KDR: variants seen among roughly 807,000 people sequenced by gnomAD.
The protein encoded by KDR is vascular endothelial growth factor receptor 2.
In KDR, 43 loss-of-function variants were observed where a neutral mutation model predicts 160.9. The ratio of observed to expected loss-of-function variants is 0.27; its 90% CI spans 0.21 to 0.34. The LOEUF (loss-of-function observed/expected upper bound fraction) is 0.34, where lower values mean the gene tolerates loss of function less well. Among genes scored for constraint, KDR ranks in the 10% least tolerant of loss-of-function variants. The probability of loss-of-function intolerance (pLI) is 1.00; values close to 1 mark genes in which losing one functional copy is unlikely to be tolerated. For synonymous variants in KDR, 617 were observed against 600.1 expected (o/e 1.03, Z -0.41); for missense variants, 1,469 against 1,666.4 (o/e 0.88, Z 2.06).
chr4:55,080,359 T>C (rs929688925), intron 29 of KDR, among the ~76,000 whole-genome samples, 196 bp from the exon 30 acceptor site: 2 of 152,168 alleles, frequency 1.3e-5, no homozygotes, highest in Non-Finnish European at 2.9e-5. Context: ...GAATTAGTAG[T>C]TGCAGATAAG....
intron 3 of KDR, among the ~76,000 whole-genome samples, chr4:55,118,063 T>C (rs1223145830): frequency 6.6e-6 from 1 of 152,138 alleles, no homozygotes; most frequent in East Asian, 1.9e-4. Flanking sequence ...AGAAACATTG[T>C]CCTGAAAAGA....
chr4:55,114,335 T>G, intron 5 of KDR, 70 bp from the exon 6 acceptor site: 2 of 1,524,986 alleles, frequency 1.3e-6, no homozygotes, highest in Non-Finnish European at 1.8e-6. Context: ...ACAGATTTAT[T>G]TTTTAAAGTA....
intron 22 of KDR, among the ~76,000 whole-genome samples, chr4:55,091,291 C>T (rs1426848909): frequency 6.6e-6 from 1 of 152,204 alleles, no homozygotes; most frequent in African/African-American, 2.4e-5. Context: ...AATTGAGCAA[C>T]ACTGGCAATT....
rs979290062 is a variant in KDR, at chr4:55,096,220, G to A, written c.2728+9C>T. 3 of 1,566,604 alleles carry A rather than the reference G, an allele frequency of 1.9e-6. No homozygotes were observed. In the African/African-American group the frequency reaches 4.1e-5, roughly 21 times the overall value. ...AATTGGGTGACCAAAACCACCCACA[G>A]TTACTCACCTCCTGGCTTGGTACAG... On this transcript the variant is annotated intron_variant, in intron 19 of 29. Coordinates refer to ENST00000263923, the MANE Select transcript of KDR (RefSeq NM_002253.4).
At chr4:55,080,234 A>C in intron 29 of KDR, 71 bp from the exon 30 acceptor site, 1 of 1,354,240 alleles carries the variant, frequency 7.4e-7, no homozygotes, top group African/African-American at 1.4e-5. Context: ...CCCTCACCCC[A>C]TTCCCAACTC....
At position 55,104,729 on chromosome 4, in the gene KDR, A is replaced by C. The variant is rs1645942606; in HGVS notation, c.1901T>G (p.Leu634Trp). The C allele has an allele frequency of 5.0e-6, 8 of 1,613,876 alleles. No individual in the cohort carries two copies. The highest frequency in any genetic ancestry group is 6.8e-6 in the Non-Finnish European group (8 of 1,179,868). Residue 634 changes from leucine to tryptophan, a missense_variant, in exon 13 of 30, where the codon TTG becomes TGG. This residue lies in a region of KDR where 792 missense variants were observed against 840.9 expected (regional missense o/e 0.94). Transcript: ENST00000263923. ...GCAGACATAGTCTCCTTGGTCCTGC[A>C]AGGATGCATTCTTAAGCTCCATGAT... The part of the protein sequence containing the change: ...ILIMELKNAS[L>W]QDQGDYVCLA...
At chr4:55,083,660 G>A (rs889779263) in intron 27 of KDR, among the ~76,000 whole-genome samples, 1 of 152,058 alleles carries the variant, frequency 6.6e-6, no homozygotes, top group Non-Finnish European at 1.5e-5. Flanking sequence ...AGGGCCCACC[G>A]AGACAGAAAA....
chr4:55,109,396 T>C (rs1281291777), intron 9 of KDR, among the ~76,000 whole-genome samples: 1 of 152,040 alleles, frequency 6.6e-6, no homozygotes, highest in African/African-American at 2.4e-5. Context: ...CTTTAAAATA[T>C]TCCCTGAAAA....
intron 7 of KDR, 74 bp from the exon 8 acceptor site, chr4:55,110,842 G>T (rs1232244418): frequency 2.4e-6 from 3 of 1,267,600 alleles, no homozygotes; most frequent in East Asian, 4.7e-5. Flanking sequence ...CATTTCAAGT[G>T]AAACGTCAAA....
chr4:55,120,453 T>G (rs1351779842), intron 2 of KDR, among the ~76,000 whole-genome samples: 6 of 152,164 alleles, frequency 3.9e-5, no homozygotes, highest in Non-Finnish European at 8.8e-5. Flanking sequence ...GACAAAGAAG[T>G]CTACTTCTCC....
At chr4:55,116,868 A>T (rs375749946) in intron 3 of KDR, among the ~76,000 whole-genome samples, 3 of 152,176 alleles carry the variant, frequency 2.0e-5, no homozygotes, top group South Asian at 4.1e-4. Context: ...ACACCTATCC[A>T]TAGAGAATAC....
chr4:55,085,392 T>C (rs973170080), intron 27 of KDR, among the ~76,000 whole-genome samples: 3 of 152,198 alleles, frequency 2.0e-5, no homozygotes, highest in Non-Finnish European at 4.4e-5. Context: ...TCTGTCCAAC[T>C]CTATTTATAA....
Position 55,105,842 on chromosome 4 carries a change from G to A in KDR, c.1635C>T (p.Phe545=). ...KVGRGERVIS[F]HVTRGPEITL... ...GAGAAGAGTACTTACTGGTCACGTG[G>A]AAGGAGATCACCCTCTCTCCTCTCC... The change falls in exon 12 of 30, where the codon TTC becomes TTT. Residue 545 remains phenylalanine, a synonymous_variant. Coordinates refer to ENST00000263923, the MANE Select transcript of KDR (RefSeq NM_002253.4). 1.9e-6 allele frequency: 3 copies of A among 1,596,442 alleles called. No individual in the cohort carries two copies. The highest frequency in any genetic ancestry group is 1.7e-5 in the Admixed American group (1 of 59,996).
Position 55,099,686 on chromosome 4 carries a change from C to T in KDR, c.2267-883G>A, listed in dbSNP as rs142048648. On this transcript the variant is annotated intron_variant, in intron 15 of 29. Coordinates refer to ENST00000263923, the MANE Select transcript of KDR (RefSeq NM_002253.4). ...CACTCATCACTTTAAATATGCCATTCCACTTAATCTCCTCAACAACTCTCA... is the reference window on the plus strand; with the variant it reads ...CACTCATCACTTTAAATATGCCATTTCACTTAATCTCCTCAACAACTCTCA... Among the ~76,000 whole-genome samples the T allele has an allele frequency of 6.2e-3, 945 of 152,270 alleles. 4 individuals are homozygous for T. The highest frequency in any genetic ancestry group is 0.029 in the South Asian group (139 of 4,824).
At chr4:55,117,162 T>C (rs1720757553) in intron 3 of KDR, among the ~76,000 whole-genome samples, 1 of 152,230 alleles carries the variant, frequency 6.6e-6, no homozygotes, top group East Asian at 1.9e-4. Context: ...TATTTCGGTA[T>C]CTCAAAAAAA....
Position 55,101,916 on chromosome 4 carries a change from C to A in KDR, c.2247G>T (p.Glu749Asp), listed in dbSNP as rs146574274. The stretch of plus-strand genomic sequence containing the variant: ...ACTGACCTTCTATTATGAAAAATGC[C>A]TCCACTTTTGCACAGCCAAGAACAC... ...ACSVLGCAKVEAFFIIEGAQE... is the reference protein window; with the variant it reads ...ACSVLGCAKVDAFFIIEGAQE... The change falls in exon 15 of 30, where the codon GAG (glutamate) becomes GAT (aspartate). Residue 749 changes from glutamate (E) to aspartate (D), a missense_variant. Physicochemically the swap from Glu to Asp is conservative, Grantham distance 45. Transcript: ENST00000263923. The A allele has an allele frequency of 1.4e-5, 23 of 1,613,444 alleles. No individual in the cohort carries two copies. The highest frequency in any genetic ancestry group is 1.2e-4 in the Admixed American group (7 of 59,952).
rs766074747 is a variant in KDR at position 55,115,021 on chromosome 4, C to G, written c.511G>C (p.Val171Leu). 3.7e-6 allele frequency: 6 copies of G among 1,613,394 alleles called. No individual in the cohort carries two copies. The Admixed American group carries it at 6.7e-5, about 18-fold the overall frequency. Residue 171 changes from valine to leucine, a missense_variant, in exon 5 of 30, where the codon GTT becomes CTT. Coordinates refer to ENST00000263923, the MANE Select transcript of KDR (RefSeq NM_002253.4). ...LCARYPEKRF[V>L]PDGNRISWDS... ...CAGGAAATTCTGTTACCATCAGGAA[C>G]AAATCTCTTTTCTGGGTATCTCTGG...
rs2110022903 is a variant in KDR, at chr4:55,104,715, C to G, written c.1915G>C (p.Asp639His). Residue 639 changes from aspartate to histidine, a missense_variant, in exon 13 of 30, where the codon GAC becomes CAC. Coordinates refer to ENST00000263923, the MANE Select transcript of KDR (RefSeq NM_002253.4). Reference sequence around the variant, plus strand: ...CTGTCTTGAGCAAGGCAGACATAGTCTCCTTGGTCCTGCAAGGATGCATTC... The same window carrying G: ...CTGTCTTGAGCAAGGCAGACATAGTGTCCTTGGTCCTGCAAGGATGCATTC... ...LKNASLQDQG[D>H]YVCLAQDRKT... The G allele has an allele frequency of 3.7e-6, 6 of 1,613,852 alleles. No homozygotes were observed. The highest frequency in any genetic ancestry group is 5.1e-6 in the Non-Finnish European group (6 of 1,179,844).
rs1334660400 is a variant in KDR at position 55,096,321 on chromosome 4, T to A, written c.2636A>T (p.His879Leu). 9.3e-6 allele frequency: 15 copies of A among 1,612,482 alleles called. No individual in the cohort carries two copies. Among genetic ancestry groups the A allele is most frequent in the Non-Finnish European group, 1.2e-5 (14 of 1,178,800 alleles). ...CTTGAGTTCAGACATGAGAGCTCGA[T>A]GCTCACTGTGTGTTGCTCCTTCTAC... ...MLKEGATHSE[H>L]RALMSELKIL... The change falls in exon 19 of 30, where the codon CAT becomes CTT. Residue 879 changes from histidine (H) to leucine (L), a missense_variant. Physicochemically the swap from His to Leu is moderately conservative, Grantham distance 99. Coordinates refer to ENST00000263923, the MANE Select transcript of KDR (RefSeq NM_002253.4).
Sources: allele counts gnomAD v4.1 joint callset (sites outside exome capture counted in the v4.1 genomes callset), GRCh38; gene constraint gnomAD v4.1.1; regional missense constraint gnomAD v4.1.1; transcripts MANE v1.5; gene names NCBI Gene and HGNC (gene_info 2026-07-23, HGNC 2026-07-21).